TMEM132C: variants seen among roughly 807,000 people sequenced by gnomAD.
The protein encoded by TMEM132C is transmembrane protein 132C.
In TMEM132C, 29 loss-of-function variants were observed where a neutral mutation model predicts 61.4. The ratio of observed to expected loss-of-function variants is 0.47; its 90% CI spans 0.35 to 0.64. The LOEUF (loss-of-function observed/expected upper bound fraction) is 0.64, where lower values mean the gene tolerates loss of function less well. Ranked by LOEUF, TMEM132C falls within the 30% of genes least tolerant of loss-of-function variation. The probability of loss-of-function intolerance (pLI) is 0.00; values close to 1 mark genes in which losing one functional copy is unlikely to be tolerated. For synonymous variants in TMEM132C, 656 were observed against 633.1 expected, an observed-to-expected ratio of 1.04 and a Z score of -0.54; for missense variants, 1,408 against 1,476.9, an observed-to-expected ratio of 0.95 and a Z score of 0.76.
chr12:128,600,174 A>G lies in TMEM132C; in HGVS notation c.1122-15978A>G, dbSNP rs886522442. 2.4e-4 allele frequency among the ~76,000 whole-genome samples: 36 copies of G among 152,080 alleles called. No homozygotes were observed. The East Asian group carries it at 2.9e-3, about 12-fold the overall frequency. On this transcript the variant is annotated intron_variant, in intron 3 of 8. Transcript: ENST00000435159. ...ATTTTTTGTATTTTTAGTAGAGACGAGGTTTCACCGTGTTAGCCAGGATGG... is the reference window on the plus strand; with the variant it reads ...ATTTTTTGTATTTTTAGTAGAGACGGGGTTTCACCGTGTTAGCCAGGATGG...
At chr12:128,567,726 G>A (rs1036922815) in intron 3 of TMEM132C, among the ~76,000 whole-genome samples, 1 of 152,052 alleles carries the variant, frequency 6.6e-6, no homozygotes, top group Non-Finnish European at 1.5e-5. Flanking sequence ...TAGGCATATC[G>A]TCTCCACCCC....
At chr12:128,612,300 T>C (rs1876663459) in intron 3 of TMEM132C, among the ~76,000 whole-genome samples, 1 of 152,230 alleles carries the variant, frequency 6.6e-6, no homozygotes, top group Admixed American at 6.5e-5. Context: ...GCCAGGCCCC[T>C]GCCCCCAGTG....
chr12:128,327,331 C>T (rs895775301), intron 1 of TMEM132C, among the ~76,000 whole-genome samples: 7 of 149,834 alleles, frequency 4.7e-5, no homozygotes, highest in Admixed American at 1.3e-4. Context: ...ATCCTGAGAA[C>T]GTGTGCCCCA....
intron 3 of TMEM132C, among the ~76,000 whole-genome samples, chr12:128,566,809 C>T (rs1874720886): frequency 6.6e-6 from 1 of 152,200 alleles, no homozygotes; most frequent in Non-Finnish European, 1.5e-5. Flanking sequence ...AACTTAGTAA[C>T]TGAAATTTAA....
chr12:128,687,973 A>G (rs1954690627), intron 5 of TMEM132C, among the ~76,000 whole-genome samples: 1 of 152,136 alleles, frequency 6.6e-6, no homozygotes, highest in Non-Finnish European at 1.5e-5. Context: ...GCAATCCTCA[A>G]GTTCCAGGTT....
At chr12:128,558,115 C>T (rs1381952449) in intron 3 of TMEM132C, among the ~76,000 whole-genome samples, 7 of 152,206 alleles carry the variant, frequency 4.6e-5, no homozygotes, top group Admixed American at 4.6e-4. Context: ...ATGAGGGGTG[C>T]CCACCTGGAG....
intron 4 of TMEM132C, among the ~76,000 whole-genome samples, chr12:128,641,961 A>ATTTTTTTTTT (rs34283461): frequency 7.8e-6 from 1 of 128,744 alleles, no homozygotes; most frequent in Non-Finnish European, 1.6e-5. Flanking sequence ...TGCCCGGCTA[A>ATTTTTTTTTT]TTTTTTTTTT....
At chr12:128,453,481 A>C (rs750535964) in intron 2 of TMEM132C, among the ~76,000 whole-genome samples, 62 of 152,208 alleles carry the variant, frequency 4.1e-4, no homozygotes, top group Non-Finnish European at 6.9e-4. Flanking sequence ...ACATGGCCGC[A>C]CGGTGTTCCA....
chr12:128,611,511 A>G (rs2130207), intron 3 of TMEM132C, among the ~76,000 whole-genome samples: 28,234 of 152,148 alleles, frequency 0.19, 3,282 homozygotes, highest in Middle Eastern at 0.29. Context: ...CCCCATGCCC[A>G]CTGCTGTCTC....
intron 1 of TMEM132C, among the ~76,000 whole-genome samples, chr12:128,319,555 C>T (rs1165890956): frequency 2.0e-5 from 3 of 152,024 alleles, no homozygotes; most frequent in Non-Finnish European, 4.4e-5. Context: ...AGGCCAGGCA[C>T]GGTGGCTCAT....
chr12:128,487,600 T>G (rs1299447264), intron 2 of TMEM132C, among the ~76,000 whole-genome samples: 2 of 86,022 alleles, frequency 2.3e-5, no homozygotes, highest in East Asian at 4.5e-4. Flanking sequence ...TGTGTGTGTG[T>G]GGGTATATAT....
rs1263417056 is a variant in TMEM132C, at chr12:128,371,650, G to A, written c.86-43082G>A. ...TGCAGTGGCACAATCGCAGCTCACT[G>A]CAGACTCAACCTCCTGGGCCCAAGC... is the stretch of plus-strand genomic sequence containing the variant. On this transcript the variant is annotated intron_variant, in intron 1 of 8. Coordinates refer to ENST00000435159, the MANE Select transcript of TMEM132C (RefSeq NM_001136103.3). Among the ~76,000 whole-genome samples the A allele has an allele frequency of 4.6e-5, 7 of 152,198 alleles. No individual in the cohort carries two copies. In the East Asian group the frequency reaches 1.3e-3, roughly 29 times the overall value.
intron 1 of TMEM132C, among the ~76,000 whole-genome samples, chr12:128,300,493 C>A (rs886799392): frequency 3.3e-5 from 5 of 152,152 alleles, no homozygotes; most frequent in African/African-American, 1.2e-4. Context: ...TTTTTCACAG[C>A]ATAGTTGTGG....
At chr12:128,605,887 C>T (rs1245338620) in intron 3 of TMEM132C, among the ~76,000 whole-genome samples, 1 of 152,210 alleles carries the variant, frequency 6.6e-6, no homozygotes, top group Non-Finnish European at 1.5e-5. Context: ...TCTTTAGAGC[C>T]TCCATGCACC....
At chr12:128,675,744 A>C (rs1954576808) in intron 5 of TMEM132C, among the ~76,000 whole-genome samples, 1 of 151,124 alleles carries the variant, frequency 6.6e-6, no homozygotes, top group Non-Finnish European at 1.5e-5. Context: ...GAAGGGAGAT[A>C]GATAGATAAG....
At chr12:128,467,872 T>C (rs771052436) in intron 2 of TMEM132C, among the ~76,000 whole-genome samples, 1 of 152,210 alleles carries the variant, frequency 6.6e-6, no homozygotes, top group Non-Finnish European at 1.5e-5. Context: ...TGTGTGCCCA[T>C]CATGTGTTAC....
At chr12:128,579,638 C>T (rs928639610) in intron 3 of TMEM132C, among the ~76,000 whole-genome samples, 9 of 152,316 alleles carry the variant, frequency 5.9e-5, no homozygotes, top group Admixed American at 4.6e-4. Context: ...AGAACCTCTC[C>T]CTGCAGGGGT....
intron 3 of TMEM132C, among the ~76,000 whole-genome samples, chr12:128,576,258 AGAAGG>A (rs1275609054): frequency 2.8e-5 from 4 of 143,458 alleles, no homozygotes; most frequent in African/African-American, 7.5e-5. Flanking sequence ...GAAAAAGATT[AGAAGG>A]GGAGGGGAGG....
In TMEM132C at chr12:128,502,312, G is replaced by A. The variant is rs138345925; in HGVS notation, c.975-41645G>A. ...CTTGAAGTGGTACAAGCCAGGCACA[G>A]GGAGAAGACCGAGATGTGTGTGTGC... On this transcript the variant is annotated intron_variant, in intron 2 of 8. Coordinates refer to ENST00000435159, the MANE Select transcript of TMEM132C (RefSeq NM_001136103.3). 8.5e-4 allele frequency among the ~76,000 whole-genome samples: 130 copies of A among 152,322 alleles called. 1 individual carries two copies. The highest frequency in any genetic ancestry group is 3.0e-3 in the African/African-American group (126 of 41,586).
Sources: gnomAD v4.1 joint callset for allele counts (sites outside exome capture counted in the v4.1 genomes callset) on GRCh38, gnomAD v4.1.1 for gene constraint, MANE v1.5 for transcripts, NCBI Gene and HGNC (gene_info 2026-07-23, HGNC 2026-07-21) for gene names.